Variants in MPDZ observed in about 807,000 individuals in gnomAD.
MPDZ encodes multiple PDZ domain protein.
Under a neutral mutation model 239.1 loss-of-function variants are expected in MPDZ, and 234 were observed. The observed-to-expected ratio is 0.98, with a 90% CI of 0.88 to 1.09. The LOEUF (loss-of-function observed/expected upper bound fraction) is 1.09. MPDZ is among the 50% of genes least tolerant of loss of function. The probability of loss-of-function intolerance (pLI) is 0.00; values close to 1 mark genes in which losing one functional copy is unlikely to be tolerated. For missense variants in MPDZ, 3,175 were observed against 2,510.0 expected (o/e 1.26, Z -5.66); for synonymous variants, 1,048 against 881.3 (o/e 1.19, Z -3.35).
chr9:13,187,755 T>C (rs1183374096), intron 17 of MPDZ, among the ~76,000 whole-genome samples: 4 of 1,100 alleles, frequency 3.6e-3, no homozygotes, highest in Admixed American at 0.019. Flanking sequence ...TGTTTGCATT[T>C]TCTTAAGACT....
In MPDZ at chr9:13,122,125, T is replaced by C. The variant is rs1944441176; in HGVS notation, c.4999A>G (p.Lys1667Glu). 6.2e-7 allele frequency: 1 copy of C among 1,614,060 alleles called. No individual in the cohort carries two copies. Among genetic ancestry groups the C allele is most frequent in the Non-Finnish European group, 8.5e-7 (1 of 1,179,940 alleles). The change falls in exon 37 of 47, where the codon AAA (lysine) becomes GAA (glutamate). Residue 1667 changes from lysine (K) to glutamate (E), a missense_variant. Coordinates refer to ENST00000319217, the MANE Select transcript of MPDZ (RefSeq NM_001378778.1). Reference sequence around the variant, plus strand: ...TCTCCAGCCCAGAGTCTTCCATCTTTACATGCTGCTCCTTCTTCATAAACT... The same window carrying C: ...TCTCCAGCCCAGAGTCTTCCATCTTCACATGCTGCTCCTTCTTCATAAACT... ...HEVYEEGAAC[K>E]DGRLWAGDQI...
At chr9:13,144,113 T>C (rs1042109911) in intron 26 of MPDZ, among the ~76,000 whole-genome samples, 1 of 152,078 alleles carries the variant, frequency 6.6e-6, no homozygotes, top group African/African-American at 2.4e-5. Context: ...TTGTATTTTT[T>C]AAATTAAAAA....
chr9:13,224,969 A>G (rs1250009195), intron 3 of MPDZ, among the ~76,000 whole-genome samples: 2 of 152,110 alleles, frequency 1.3e-5, no homozygotes, highest in East Asian at 3.9e-4. Flanking sequence ...GTGATGAGGT[A>G]TCTTTCTTCT....
intron 19 of MPDZ, 53 bp from the exon 20 acceptor site, chr9:13,176,470 C>A: frequency 7.3e-7 from 1 of 1,371,122 alleles, no homozygotes; most frequent in South Asian, 1.7e-5. Flanking sequence ...ACCAGAATTA[C>A]ATCAATATAT....
At chr9:13,112,426 C>G (rs1942653201) in intron 42 of MPDZ, among the ~76,000 whole-genome samples, 1 of 152,118 alleles carries the variant, frequency 6.6e-6, no homozygotes, top group African/African-American at 2.4e-5. Flanking sequence ...GTGAAAAGAC[C>G]ACACTTTTGG....
At chr9:13,272,700 T>C (rs1317025794) in intron 1 of MPDZ, among the ~76,000 whole-genome samples, 2 of 78,584 alleles carry the variant, frequency 2.5e-5, no homozygotes, top group African/African-American at 4.9e-5. Context: ...CTGTTCCTAC[T>C]AAAAAAAAAA....
At chr9:13,239,883 A>G (rs1352603971) in intron 3 of MPDZ, among the ~76,000 whole-genome samples, 2 of 152,156 alleles carry the variant, frequency 1.3e-5, no homozygotes, top group Admixed American at 6.5e-5. Context: ...GTGTTTATGC[A>G]TATTTACAGA....
At chr9:13,145,948 C>G (rs1275565215) in intron 26 of MPDZ, among the ~76,000 whole-genome samples, 1 of 151,806 alleles carries the variant, frequency 6.6e-6, no homozygotes, top group Non-Finnish European at 1.5e-5. Flanking sequence ...CTAAAATCCA[C>G]CCACACACAA....
chr9:13,221,000 A>G (rs958387992), intron 7 of MPDZ, among the ~76,000 whole-genome samples: 2 of 151,986 alleles, frequency 1.3e-5, no homozygotes, highest in East Asian at 3.9e-4. Context: ...CCTGAATACA[A>G]AAGTATATTT....
At chr9:13,199,024 G>A (rs1156965354) in intron 12 of MPDZ, among the ~76,000 whole-genome samples, 3 of 151,474 alleles carry the variant, frequency 2.0e-5, no homozygotes, top group African/African-American at 7.3e-5. Flanking sequence ...TCTAGTCCAT[G>A]ATCATTCTCT....
intron 3 of MPDZ, among the ~76,000 whole-genome samples, chr9:13,225,595 C>A (rs754541305): frequency 1.3e-5 from 2 of 152,090 alleles, no homozygotes; most frequent in Non-Finnish European, 2.9e-5. Flanking sequence ...CACATTTTTA[C>A]TGTACCTTTT....
intron 3 of MPDZ, among the ~76,000 whole-genome samples, chr9:13,225,076 C>T (rs926086786): frequency 1.3e-5 from 2 of 151,894 alleles, no homozygotes; most frequent in East Asian, 1.9e-4. Context: ...TGAAATAACA[C>T]GCCAATAAAA....
At chr9:13,177,136 T>C (rs1237520472) in intron 19 of MPDZ, among the ~76,000 whole-genome samples, 3 of 152,172 alleles carry the variant, frequency 2.0e-5, no homozygotes, top group Admixed American at 2.0e-4. Context: ...TATATAAATA[T>C]GTATATCTAC....
intron 1 of MPDZ, among the ~76,000 whole-genome samples, chr9:13,257,483 C>T (rs1023160845): frequency 7.9e-5 from 12 of 151,970 alleles, no homozygotes; most frequent in Admixed American, 3.3e-4. Flanking sequence ...AAAAATCACA[C>T]GGTGAAAATA....
Position 13,125,360 on chromosome 9 carries a change from T to C in MPDZ, c.4663A>G (p.Thr1555Ala). 1 of 1,613,738 alleles carries C rather than the reference T, an allele frequency of 6.2e-7. No individual in the cohort carries two copies. The highest frequency in any genetic ancestry group is 8.5e-7 in the Non-Finnish European group (1 of 1,179,676). ...TCAGCATGGATGGTAAGTTTTACTG[T>C]CATCTTTGCTGTCTTCAGAAGGCTA... The part of the protein sequence containing the change: ...FISLLKTAKM[T>A]VKLTIHAENP... The change falls in exon 35 of 47, where the codon ACA becomes GCA. Residue 1555 changes from threonine (T) to alanine (A), a missense_variant. Thr to Ala is a moderately conservative substitution (Grantham distance 58). Coordinates refer to ENST00000319217, the MANE Select transcript of MPDZ (RefSeq NM_001378778.1).
At chr9:13,109,336 T>G (rs539794104) in intron 45 of MPDZ, among the ~76,000 whole-genome samples, 2 of 152,214 alleles carry the variant, frequency 1.3e-5, no homozygotes, top group African/African-American at 4.8e-5. Context: ...GTTCTCATTG[T>G]ACAGAGAAGC....
chr9:13,192,381 T>G, intron 14 of MPDZ, 86 bp from the exon 15 acceptor site: 1 of 1,197,564 alleles, frequency 8.4e-7, no homozygotes, highest in Non-Finnish European at 1.2e-6. Flanking sequence ...AAATATAAAT[T>G]TTACTATAGT....
chr9:13,206,503 C>T lies in MPDZ; in HGVS notation c.1291-404G>A, dbSNP rs148368108. ...TCCTAGGCTCAAGCGATCCTCTCATCGTATCTTCCCAAGTAGCTGGGACCA... is the reference window on the plus strand; with the variant it reads ...TCCTAGGCTCAAGCGATCCTCTCATTGTATCTTCCCAAGTAGCTGGGACCA... On this transcript the variant is annotated intron_variant, in intron 10 of 46. Coordinates refer to ENST00000319217, the MANE Select transcript of MPDZ (RefSeq NM_001378778.1). 4.8e-3 allele frequency among the ~76,000 whole-genome samples: 737 copies of T among 151,962 alleles called. 2 individuals are homozygous for T. Among genetic ancestry groups the T allele is most frequent in the Admixed American group, 8.6e-3 (131 of 15,264 alleles).
At chr9:13,228,737 ATAAC>A (rs1587961718) in intron 3 of MPDZ, among the ~76,000 whole-genome samples, 6 of 152,290 alleles carry the variant, frequency 3.9e-5, no homozygotes, top group South Asian at 2.1e-4. Context: ...TTGACCTAAC[ATAAC>A]TAACAATTTC....
Sources: gnomAD v4.1 joint callset for allele counts (sites outside exome capture counted in the v4.1 genomes callset) on GRCh38, gnomAD v4.1.1 for gene constraint, MANE v1.5 for transcripts, NCBI Gene and HGNC (gene_info 2026-07-23, HGNC 2026-07-21) for gene names.